Variants in MDGA2 observed in about 807,000 individuals in gnomAD.
MDGA2 encodes the protein MAM domain-containing glycosylphosphatidylinositol anchor protein 2.
MDGA2 carries 40 observed loss-of-function variants against 117.8 expected under a neutral mutation model. The observed-to-expected ratio is 0.34, with a 90% CI of 0.26 to 0.44. MDGA2 has a LOEUF of 0.44. Among genes scored for constraint, MDGA2 ranks in the 20% least tolerant of loss-of-function variants. The pLI, the probability that MDGA2 is intolerant of heterozygous loss-of-function variation, is 1.00. For synonymous variants in MDGA2, 452 were observed against 439.0 expected, an observed-to-expected ratio of 1.03 and a Z score of -0.37; for missense variants, 1,123 against 1,250.6, an observed-to-expected ratio of 0.90 and a Z score of 1.54.
At chr14:47,438,023 A>G (rs368076205) in intron 1 of MDGA2, among the ~76,000 whole-genome samples, 2 of 152,120 alleles carry the variant, frequency 1.3e-5, no homozygotes, top group Admixed American at 6.6e-5. Context: ...TCAAATATAC[A>G]TGGAGCCATG....
chr14:47,177,735 G>T (rs990138340), intron 3 of MDGA2, among the ~76,000 whole-genome samples: 1 of 151,978 alleles, frequency 6.6e-6, no homozygotes, highest in Admixed American at 6.6e-5. Context: ...CACCAGCATG[G>T]CACACGTATA....
At chr14:47,634,359 T>G (rs1404979631) in intron 1 of MDGA2, among the ~76,000 whole-genome samples, 2 of 152,050 alleles carry the variant, frequency 1.3e-5, no homozygotes, top group South Asian at 2.1e-4. Context: ...ATGTAAAAAA[T>G]TATATAATCA....
intron 6 of MDGA2, among the ~76,000 whole-genome samples, chr14:47,075,451 T>C (rs943726995): frequency 6.6e-6 from 1 of 152,232 alleles, no homozygotes; most frequent in Non-Finnish European, 1.5e-5. Flanking sequence ...AGATTGATTG[T>C]TGTCACCTAA....
intron 1 of MDGA2, among the ~76,000 whole-genome samples, chr14:47,661,178 T>A (rs1394796283): frequency 6.6e-6 from 1 of 152,068 alleles, no homozygotes; most frequent in African/African-American, 2.4e-5. Flanking sequence ...AATATAATTT[T>A]AATAATATAA....
chr14:47,096,957 C>A lies in MDGA2; in HGVS notation c.1092G>T (p.Leu364Phe), dbSNP rs1011998062. Residue 364 changes from leucine (L) to phenylalanine (F), a missense_variant, in exon 6 of 17, where the codon TTG becomes TTT. This residue lies in a region of MDGA2 where 890 missense variants were observed against 1,050.3 expected (regional missense o/e 0.85). Transcript: ENST00000399232. ...CATCTGAGGTGATGGCAGGTATGGT[C>A]AAAGTTCCTCCATTCAAAACAGTCT... ...PEKTVLNGGT[L>F]TIPAITSDDA... The A allele has an allele frequency of 3.7e-6, 6 of 1,613,106 alleles. No individual in the cohort carries two copies. The highest frequency in any genetic ancestry group is 4.2e-6 in the Non-Finnish European group (5 of 1,179,490).
chr14:47,049,798 T>C (rs1889391749), intron 7 of MDGA2, among the ~76,000 whole-genome samples: 1 of 152,072 alleles, frequency 6.6e-6, no homozygotes, highest in Admixed American at 6.6e-5. Context: ...CTAGTCATTA[T>C]TGCTGACAGA....
intron 1 of MDGA2, among the ~76,000 whole-genome samples, chr14:47,467,913 T>A (rs1343384323): frequency 6.6e-6 from 1 of 152,176 alleles, no homozygotes; most frequent in African/African-American, 2.4e-5. Context: ...TAACACAGTG[T>A]CATTACTTAA....
intron 6 of MDGA2, among the ~76,000 whole-genome samples, chr14:47,078,630 C>A (rs1316791090): frequency 6.6e-6 from 1 of 152,162 alleles, no homozygotes; most frequent in East Asian, 1.9e-4. Flanking sequence ...GAGATAACTT[C>A]ATTCACACAT....
At chr14:47,084,818 A>G (rs1365308191) in intron 6 of MDGA2, among the ~76,000 whole-genome samples, 1 of 152,168 alleles carries the variant, frequency 6.6e-6, no homozygotes. Context: ...TGTCCTCACT[A>G]GAATCCAACC....
chr14:47,537,574 T>TAAAAA (rs58060138), intron 1 of MDGA2, among the ~76,000 whole-genome samples: 24 of 36,600 alleles, frequency 6.6e-4, no homozygotes, highest in Admixed American at 1.3e-3. Flanking sequence ...TTCTCTCTGT[T>TAAAAA]AAAAAAAAAA....
At chr14:47,049,119 C>T (rs1889363562) in intron 7 of MDGA2, among the ~76,000 whole-genome samples, 1 of 152,026 alleles carries the variant, frequency 6.6e-6, no homozygotes. Flanking sequence ...TTTAGAAAGC[C>T]ATGGTAAAAG....
intron 6 of MDGA2, among the ~76,000 whole-genome samples, chr14:47,095,949 G>C (rs962118): frequency 0.37 from 56,369 of 151,570 alleles, 10,913 homozygotes; most frequent in East Asian, 0.64. Flanking sequence ...GCCTCAGTGT[G>C]CACCCTCCAC....
At chr14:47,531,536 C>A (rs985013958) in intron 1 of MDGA2, among the ~76,000 whole-genome samples, 1 of 152,164 alleles carries the variant, frequency 6.6e-6, no homozygotes, top group Non-Finnish European at 1.5e-5. Context: ...GAACTTCAAT[C>A]CCTTGCTTGT....
intron 1 of MDGA2, among the ~76,000 whole-genome samples, chr14:47,562,476 G>A (rs1013785617): frequency 1.3e-5 from 2 of 152,152 alleles, no homozygotes; most frequent in African/African-American, 4.8e-5. Context: ...GGAAGGTTGT[G>A]TGTGTCCAGG....
chr14:47,647,127 A>T (rs533936981), intron 1 of MDGA2, among the ~76,000 whole-genome samples: 1 of 152,332 alleles, frequency 6.6e-6, no homozygotes, highest in Non-Finnish European at 1.5e-5. Context: ...AAATGTTTGT[A>T]TCCATTTGCC....
At chr14:46,905,712 A>G (rs1408046276) in intron 10 of MDGA2, among the ~76,000 whole-genome samples, 1 of 152,176 alleles carries the variant, frequency 6.6e-6, no homozygotes. Context: ...TGAAATATTC[A>G]TAAGCATAAA....
chr14:46,958,880 C>G (rs1885669756), intron 8 of MDGA2, among the ~76,000 whole-genome samples: 1 of 152,166 alleles, frequency 6.6e-6, no homozygotes, highest in South Asian at 2.1e-4. Context: ...TAATAGATTT[C>G]TGTTCTGGGT....
chr14:47,265,430 A>T (rs978143646), intron 2 of MDGA2, among the ~76,000 whole-genome samples: 1 of 152,244 alleles, frequency 6.6e-6, no homozygotes, highest in South Asian at 2.1e-4. Flanking sequence ...TAATATATGT[A>T]TCTCCATGAT....
chr14:47,165,243 A>C (rs1883820761), intron 3 of MDGA2, among the ~76,000 whole-genome samples: 1 of 151,964 alleles, frequency 6.6e-6, no homozygotes, highest in Non-Finnish European at 1.5e-5. Context: ...TAGTACTTAA[A>C]GTATAATAAA....
Sources: allele counts gnomAD v4.1 joint callset (sites outside exome capture counted in the v4.1 genomes callset), GRCh38; gene constraint gnomAD v4.1.1; regional missense constraint gnomAD v4.1.1; transcripts MANE v1.5; gene names NCBI Gene and HGNC (gene_info 2026-07-23, HGNC 2026-07-21).